CEACAM7: variants seen among roughly 807,000 people sequenced by gnomAD.
The protein encoded by CEACAM7 is cell adhesion molecule CEACAM7.
Under a neutral mutation model 25.7 loss-of-function variants are expected in CEACAM7, and 24 were observed. The observed-to-expected ratio is 0.93, with a 90% CI of 0.68 to 1.31. The LOEUF is 1.31. Ranked by LOEUF, CEACAM7 falls within the 40% of genes most tolerant of loss-of-function variation. The probability of loss-of-function intolerance (pLI) is 0.00; values close to 1 mark genes in which losing one functional copy is unlikely to be tolerated. For synonymous variants in CEACAM7, 144 were observed against 129.4 expected (o/e 1.11, Z -0.77); for missense variants, 324 against 330.1 (o/e 0.98, Z 0.14).
chr19:41,677,144 G>A (rs782185655), intron 4 of CEACAM7, among the ~76,000 whole-genome samples: 4 of 152,162 alleles, frequency 2.6e-5, no homozygotes, highest in Non-Finnish European at 1.5e-5. Context: ...ATTGAATTGG[G>A]GAAACAAATG....
chr19:41,681,674 G>A (rs73045078), intron 3 of CEACAM7, among the ~76,000 whole-genome samples: 2,446 of 152,260 alleles, frequency 0.016, 30 homozygotes, highest in Non-Finnish European at 0.022. Flanking sequence ...ATACTACAAC[G>A]TGAATGAACC....
chr19:41,686,766 A>G, intron 2 of CEACAM7, 93 bp downstream of exon 2: 1 of 1,356,824 alleles, frequency 7.4e-7, no homozygotes, highest in East Asian at 2.3e-5. Context: ...TAAAATGTAG[A>G]TGGGGACACA....
At chr19:41,676,288 G>A (rs74404174) in intron 4 of CEACAM7, among the ~76,000 whole-genome samples, 2 of 152,180 alleles carry the variant, frequency 1.3e-5, no homozygotes, top group Non-Finnish European at 2.9e-5. Context: ...CCAGTGTGTA[G>A]CCATATTTCC....
At chr19:41,675,178 A>G (rs1265600671) in intron 4 of CEACAM7, among the ~76,000 whole-genome samples, 1 of 152,238 alleles carries the variant, frequency 6.6e-6, no homozygotes, top group African/African-American at 2.4e-5. Context: ...GTATCCTGTT[A>G]TAAACAGAAC....
At position 41,688,230 on chromosome 19, in the gene CEACAM7, G is replaced by T. The variant is rs2072248873; in HGVS notation, c.-65C>A. 2.5e-6 allele frequency: 4 copies of T among 1,574,762 alleles called. No individual in the cohort carries two copies. The highest frequency in any genetic ancestry group is 3.4e-6 in the Non-Finnish European group (4 of 1,160,660). On this transcript the variant is annotated 5_prime_UTR_variant, in exon 1 of 5. Transcript: ENST00000401731. ...GGGCTCCAGGAACTCTCTTGTCAGG[G>T]CTGCTGTGACTGTCAGCTCTGCTGT...
chr19:41,686,319 G>C (rs954565806), intron 2 of CEACAM7, among the ~76,000 whole-genome samples: 1 of 152,186 alleles, frequency 6.6e-6, no homozygotes. Context: ...TCCTTGCCCA[G>C]ATGAGGCCCT....
intron 3 of CEACAM7, among the ~76,000 whole-genome samples, chr19:41,679,947 G>A (rs545377160): frequency 5.6e-5 from 8 of 142,838 alleles, no homozygotes; most frequent in South Asian, 2.2e-4. Context: ...AATTACAGGC[G>A]TGTGCCACCA....
At chr19:41,687,450 C>A (rs1226373609) in intron 1 of CEACAM7, among the ~76,000 whole-genome samples, 2 of 152,212 alleles carry the variant, frequency 1.3e-5, no homozygotes, top group African/African-American at 4.8e-5. Context: ...GCAGGGCTCC[C>A]TCCATACTGC....
chr19:41,675,698 A>T (rs1403739148), intron 4 of CEACAM7, among the ~76,000 whole-genome samples: 1 of 152,218 alleles, frequency 6.6e-6, no homozygotes, highest in Non-Finnish European at 1.5e-5. Flanking sequence ...AATGACAAAG[A>T]CTTAAGATGG....
intron 2 of CEACAM7, among the ~76,000 whole-genome samples, chr19:41,686,578 G>A (rs556362602): frequency 1.3e-5 from 2 of 152,258 alleles, no homozygotes; most frequent in African/African-American, 4.8e-5. Flanking sequence ...CTTTTTCAGG[G>A]GGAGGGCACA....
At chr19:41,678,128 C>T (rs909218127) in intron 3 of CEACAM7, among the ~76,000 whole-genome samples, 30 of 152,112 alleles carry the variant, frequency 2.0e-4, no homozygotes, top group Non-Finnish European at 1.3e-4. Flanking sequence ...AGCCCACTTT[C>T]CCTCACAGGT....
intron 3 of CEACAM7, among the ~76,000 whole-genome samples, chr19:41,681,050 A>G (rs531544482): frequency 2.0e-5 from 3 of 152,342 alleles, no homozygotes; most frequent in East Asian, 3.9e-4. Context: ...CAGAATATAT[A>G]AAGAACTAAT....
intron 3 of CEACAM7, among the ~76,000 whole-genome samples, chr19:41,678,331 G>GTATATA (rs1188425278): frequency 6.6e-6 from 1 of 151,020 alleles, no homozygotes; most frequent in Non-Finnish European, 1.5e-5. Flanking sequence ...ATATGTATAT[G>GTATATA]TATATGTATA....
At position 41,677,417 on chromosome 19, in the gene CEACAM7, T is replaced by G. The variant is rs1555810222; in HGVS notation, c.793A>C (p.Ile265Leu). 2 of 1,610,786 alleles carry G rather than the reference T, an allele frequency of 1.2e-6. No individual in the cohort carries two copies. The highest frequency in any genetic ancestry group is 2.2e-5 in the South Asian group (2 of 91,000). ...CAGAAACTACACCAAGGCTGCTATA[T>G]CAGAGCCATCCCAGCCAGTACTCCA... ...MIGVLAGMAL[I>L] The change falls in exon 4 of 5, where the codon ATA becomes CTA. Residue 265 changes from isoleucine to leucine, a missense_variant. Physicochemically the swap from Ile to Leu is conservative, Grantham distance 5. Transcript: ENST00000401731.
At chr19:41,683,524 C>T (rs2072195813) in intron 3 of CEACAM7, among the ~76,000 whole-genome samples, 1 of 152,240 alleles carries the variant, frequency 6.6e-6, no homozygotes, top group Admixed American at 6.5e-5. Context: ...GATGTGTTCA[C>T]TGAGCCTGAG....
intron 1 of CEACAM7, among the ~76,000 whole-genome samples, chr19:41,687,842 GTTA>G (rs2072244272): frequency 6.6e-6 from 1 of 152,200 alleles, no homozygotes; most frequent in Non-Finnish European, 1.5e-5. Context: ...ACATGATATA[GTTA>G]TTATTATCAT....
chr19:41,686,789 G>A, intron 2 of CEACAM7, 70 bp downstream of exon 2: 1 of 1,482,624 alleles, frequency 6.7e-7, no homozygotes, highest in East Asian at 2.3e-5. Flanking sequence ...CACAACCCAG[G>A]CCTGACAACC....
intron 3 of CEACAM7, among the ~76,000 whole-genome samples, 158 bp from the exon 4 acceptor site, chr19:41,677,661 T>C (rs1387159776): frequency 6.6e-6 from 1 of 152,248 alleles, no homozygotes; most frequent in African/African-American, 2.4e-5. Context: ...CCAACTAAAT[T>C]CTTGCAGGTT....
chr19:41,682,261 C>T (rs1430237094), intron 3 of CEACAM7, among the ~76,000 whole-genome samples: 2 of 151,946 alleles, frequency 1.3e-5, no homozygotes, highest in African/African-American at 2.4e-5. Context: ...TGTAAAATGG[C>T]TAATATGGTA....
Sources: gnomAD v4.1 joint callset for allele counts (sites outside exome capture counted in the v4.1 genomes callset) on GRCh38, gnomAD v4.1.1 for gene constraint, MANE v1.5 for transcripts, NCBI Gene and HGNC (gene_info 2026-07-23, HGNC 2026-07-21) for gene names.